The following GRIN2B variants were observed in gnomAD, a reference collection of about 807,000 sequenced individuals.
The protein encoded by GRIN2B is glutamate receptor ionotropic, NMDA 2B.
A neutral mutation model predicts 114.5 loss-of-function variants in GRIN2B; 5 were observed. The observed-to-expected ratio is 0.04, with a 90% CI of 0.02 to 0.09. The LOEUF (loss-of-function observed/expected upper bound fraction) is 0.09, where lower values mean the gene tolerates loss of function less well. GRIN2B is among the 10% of genes least tolerant of loss of function. GRIN2B has a pLI of 1.00. For missense variants in GRIN2B, 1,108 were observed against 1,943.5 expected, an observed-to-expected ratio of 0.57 and a Z score of 8.08; for synonymous variants, 787 against 745.1, an observed-to-expected ratio of 1.06 and a Z score of -0.92.
chr12:13,627,667 C>T (rs934275952), intron 5 of GRIN2B, among the ~76,000 whole-genome samples: 1 of 152,228 alleles, frequency 6.6e-6, no homozygotes, highest in African/African-American at 2.4e-5. Context: ...GTCTTGGGTT[C>T]AGGCAGGGCC....
chr12:13,886,722 C>T (rs1167946582), intron 2 of GRIN2B, among the ~76,000 whole-genome samples: 1 of 152,142 alleles, frequency 6.6e-6, no homozygotes, highest in Non-Finnish European at 1.5e-5. Context: ...GAGGGCCATA[C>T]TCCTTCCTCT....
intron 2 of GRIN2B, among the ~76,000 whole-genome samples, chr12:13,942,417 G>A (rs1867276368): frequency 6.6e-6 from 1 of 152,080 alleles, no homozygotes; most frequent in Admixed American, 6.5e-5. Context: ...AAGCTAAGTT[G>A]TACAACTGAA....
chr12:13,969,692 C>G (rs1296084342), intron 2 of GRIN2B, among the ~76,000 whole-genome samples: 3 of 152,196 alleles, frequency 2.0e-5, no homozygotes, highest in Non-Finnish European at 4.4e-5. Context: ...CCTTCTCACT[C>G]CTTTTCCTAA....
At chr12:13,878,256 C>G (rs185157897) in intron 2 of GRIN2B, among the ~76,000 whole-genome samples, 1 of 152,138 alleles carries the variant, frequency 6.6e-6, no homozygotes, top group East Asian at 1.9e-4. Context: ...CCCCGACCCA[C>G]TTCCCTTTCT....
At chr12:13,565,518 C>T (rs1948627224) in intron 13 of GRIN2B, among the ~76,000 whole-genome samples, 1 of 152,160 alleles carries the variant, frequency 6.6e-6, no homozygotes, top group African/African-American at 2.4e-5. Context: ...CTTTGAAGGA[C>T]ACCGTGCAGG....
intron 4 of GRIN2B, among the ~76,000 whole-genome samples, chr12:13,695,996 C>T (rs1319395502): frequency 6.6e-6 from 1 of 152,092 alleles, no homozygotes. Context: ...TAGCTCTGAC[C>T]TCTGCAGGAC....
At chr12:13,880,402 C>T (rs777746259) in intron 2 of GRIN2B, among the ~76,000 whole-genome samples, 1 of 152,198 alleles carries the variant, frequency 6.6e-6, no homozygotes, top group Admixed American at 6.5e-5. Flanking sequence ...GCTCAGCTGG[C>T]GCTCGGACTT....
chr12:13,680,356 CA>C (rs1950116305), intron 4 of GRIN2B, among the ~76,000 whole-genome samples: 1 of 151,768 alleles, frequency 6.6e-6, no homozygotes, highest in African/African-American at 2.4e-5. Context: ...AGTACACAGT[CA>C]AAAAGCTTTG....
chr12:13,563,853 G>A lies in GRIN2B; in HGVS notation c.3385C>T (p.Leu1129=). Residue 1129 remains leucine (L), a synonymous_variant, in exon 14 of 14, where the codon CTA becomes TTA. Transcript: ENST00000609686. ...AACTGGTCCAGGTAGAAGTCCCGTA[G>A]CCCTTCCTTGTCCCTGAAGTAGCGC... ...HKRYFRDKEG[L]RDFYLDQFRT... 1 of 1,614,118 alleles carries A rather than the reference G, an allele frequency of 6.2e-7. No individual in the cohort carries two copies. Among genetic ancestry groups the A allele is most frequent in the Middle Eastern group, 1.6e-4 (1 of 6,062 alleles).
intron 4 of GRIN2B, among the ~76,000 whole-genome samples, chr12:13,723,351 G>A (rs1289164417): frequency 6.6e-6 from 1 of 151,696 alleles, no homozygotes; most frequent in African/African-American, 2.4e-5. Context: ...GCTTCTTAGA[G>A]CATTTCTTGT....
intron 2 of GRIN2B, among the ~76,000 whole-genome samples, chr12:13,883,970 G>T (rs1866110347): frequency 6.6e-6 from 1 of 151,980 alleles, no homozygotes; most frequent in Admixed American, 6.6e-5. Context: ...ACTTTACATG[G>T]CACAAGCTAT....
intron 3 of GRIN2B, among the ~76,000 whole-genome samples, chr12:13,771,545 G>C (rs1863908838): frequency 6.6e-6 from 1 of 152,048 alleles, no homozygotes; most frequent in African/African-American, 2.4e-5. Flanking sequence ...ACTTAGCTGT[G>C]TGATCTTTGA....
chr12:13,724,741 C>G (rs1862949435), intron 4 of GRIN2B, among the ~76,000 whole-genome samples: 1 of 152,004 alleles, frequency 6.6e-6, no homozygotes, highest in Non-Finnish European at 1.5e-5. Context: ...GGCTTTACCC[C>G]CTTCCACATT....
At chr12:13,618,818 T>C (rs1949479501) in intron 5 of GRIN2B, among the ~76,000 whole-genome samples, 1 of 152,210 alleles carries the variant, frequency 6.6e-6, no homozygotes, top group South Asian at 2.1e-4. Flanking sequence ...CAGGAACACT[T>C]TGCAACGAAC....
intron 2 of GRIN2B, among the ~76,000 whole-genome samples, chr12:13,979,529 A>G (rs887772687): frequency 1.1e-4 from 10 of 88,938 alleles, no homozygotes; most frequent in Non-Finnish European, 1.8e-4. Context: ...AGCCAACCTG[A>G]AAAAAAAAAA....
intron 3 of GRIN2B, among the ~76,000 whole-genome samples, chr12:13,799,309 ACATGTTTTG>A (rs1400658078): frequency 6.6e-6 from 1 of 152,194 alleles, no homozygotes; most frequent in Non-Finnish European, 1.5e-5. Context: ...AGGATGGGTG[ACATGTTTTG>A]GCAGAAGGTG....
intron 4 of GRIN2B, among the ~76,000 whole-genome samples, chr12:13,740,955 C>A (rs1273940736): frequency 5.3e-5 from 8 of 152,136 alleles, no homozygotes; most frequent in Non-Finnish European, 8.8e-5. Context: ...GTCCTGGATG[C>A]CACTCCCAGG....
chr12:13,581,076 T>A (rs1006394698), intron 10 of GRIN2B, among the ~76,000 whole-genome samples: 19 of 152,220 alleles, frequency 1.2e-4, no homozygotes, highest in Admixed American at 7.2e-4. Flanking sequence ...TGAAGGACAT[T>A]TGAGTTACTT....
At chr12:13,761,518 G>T (rs1221747650) in intron 3 of GRIN2B, among the ~76,000 whole-genome samples, 1 of 152,222 alleles carries the variant, frequency 6.6e-6, no homozygotes, top group Non-Finnish European at 1.5e-5. Context: ...AATTACAGAA[G>T]TAAGGGAGCA....
Sources: gnomAD v4.1 joint callset for allele counts (sites outside exome capture counted in the v4.1 genomes callset) on GRCh38, gnomAD v4.1.1 for gene constraint, MANE v1.5 for transcripts, NCBI Gene and HGNC (gene_info 2026-07-23, HGNC 2026-07-21) for gene names.